The following RUSC2 variants were observed in gnomAD, a reference collection of about 807,000 sequenced individuals.
RUSC2 encodes the protein RUN and SH3 domain containing 2, also known as AP-4 complex accessory subunit RUSC2.
In RUSC2, 34 loss-of-function variants were observed where a neutral mutation model predicts 122.2. That is an observed-to-expected ratio of 0.28 (90% CI 0.21 to 0.37). The LOEUF is 0.37. Ranked by LOEUF, RUSC2 falls within the 10% of genes least tolerant of loss-of-function variation. RUSC2 has a pLI of 1.00. For missense variants in RUSC2, 1,747 were observed against 1,952.4 expected (o/e 0.89, Z 1.98); for synonymous variants, 784 against 790.0 (o/e 0.99, Z 0.13).
intron 1 of RUSC2, among the ~76,000 whole-genome samples, chr9:35,509,686 C>T (rs1313467168): frequency 3.3e-5 from 5 of 152,188 alleles, no homozygotes; most frequent in Non-Finnish European, 4.4e-5. Context: ...GTAAATTGAA[C>T]GGTAGTACAG....
In RUSC2 at chr9:35,548,909, G is replaced by A; in HGVS notation, c.2014+374G>A. 2 of 493,880 alleles carry A rather than the reference G, an allele frequency of 4.0e-6. No homozygotes were observed. Among genetic ancestry groups the A allele is most frequent in the Non-Finnish European group, 5.2e-6 (2 of 380,958 alleles). 30.6% of individuals were successfully genotyped at this position (493,880 alleles called of 1,614,324 possible). ...TAGCCAGGAGTGGTAGCACCCACCTGTAATCCCAGCTACTCAGGGGGCTGA... is the reference window on the plus strand; with the variant it reads ...TAGCCAGGAGTGGTAGCACCCACCTATAATCCCAGCTACTCAGGGGGCTGA... On this transcript the variant is annotated intron_variant, in intron 2 of 11. Transcript: ENST00000361226. The surrounding 1 kb of genome is among the most constrained non-coding windows in gnomAD (Gnocchi z 4.5).
chr9:35,534,271 T>C (rs1438000267), intron 1 of RUSC2, among the ~76,000 whole-genome samples: 2 of 152,080 alleles, frequency 1.3e-5, no homozygotes, highest in African/African-American at 4.8e-5. Flanking sequence ...TTTGGGGAAA[T>C]GTTTATTCAA....
chr9:35,523,438 T>C (rs1012545228), intron 1 of RUSC2, among the ~76,000 whole-genome samples: 1 of 152,238 alleles, frequency 6.6e-6, no homozygotes, highest in African/African-American at 2.4e-5. Flanking sequence ...TTTGCAACTT[T>C]TTATAACTGT....
rs147747906 is a variant in RUSC2, at chr9:35,548,534, C to T, written c.2013C>T (p.Asp671=). 199 of 1,607,170 alleles carry T rather than the reference C, an allele frequency of 1.2e-4. No homozygotes were observed. The highest frequency in any genetic ancestry group is 3.2e-4 in the Admixed American group (19 of 59,284). The part of the protein sequence containing the change: ...HTQRDARARA[D]GGGTESRPVL... ...AGAGGGATGCAAGAGCTAGAGCTGA[C>T]GGTAAGGAGCCTAAGGGTTAGCAAA... is the stretch of plus-strand genomic sequence containing the variant. The change falls in exon 2 of 12, where the codon GAC becomes GAT. Residue 671 remains aspartate (D), a splice_region_variant and synonymous_variant. Transcript: ENST00000361226. This position sits in a 1 kb window ranked among gnomAD's most constrained non-coding sequence, Gnocchi z 4.5.
At position 35,560,703 on chromosome 9, in the gene RUSC2, G is replaced by C; in HGVS notation, c.4063G>C (p.Glu1355Gln). 6.4e-7 allele frequency: 1 copy of C among 1,556,338 alleles called. No individual in the cohort carries two copies. Among genetic ancestry groups the C allele is most frequent in the Middle Eastern group, 1.7e-4 (1 of 5,786 alleles). ...GAGCCCCCCTGACTCTGTGCTGGCC[G>C]AGCTGAGGCGCAGTCGGGAGAGGGA... ...MGSPPDSVLA[E>Q]LRRSREREGP... is the part of the protein sequence containing the mutation. Residue 1355 changes from glutamate to glutamine, a missense_variant, in exon 10 of 12, where the codon GAG becomes CAG. Transcript: ENST00000361226.
intron 1 of RUSC2, among the ~76,000 whole-genome samples, chr9:35,495,616 T>C (rs1820695186): frequency 6.6e-6 from 1 of 152,070 alleles, no homozygotes; most frequent in African/African-American, 2.4e-5. Flanking sequence ...TCCTCCAACT[T>C]TGGTTTTCTT....
chr9:35,498,865 GA>G (rs1820770074), intron 1 of RUSC2, among the ~76,000 whole-genome samples: 1 of 147,058 alleles, frequency 6.8e-6, no homozygotes, highest in Non-Finnish European at 1.5e-5. Flanking sequence ...AACAAAAAAA[GA>G]AAAAAGAAAT....
chr9:35,528,510 CT>C lies in RUSC2; in HGVS notation c.-92-17906del, dbSNP rs912951066. Among the ~76,000 whole-genome samples the C allele has an allele frequency of 1.8e-3, 266 of 145,276 alleles. 2 individuals are homozygous for C. The highest frequency in any genetic ancestry group is 0.012 in the East Asian group (61 of 5,036). On this transcript the variant is annotated intron_variant, in intron 1 of 11. Coordinates refer to ENST00000361226, the MANE Select transcript of RUSC2 (RefSeq NM_014806.5). ...GAATTCTCTTTATGCGATTTGATAC[CT>C]TTTTTTTTTTTTTGAGATGGAGTTT... is the stretch of plus-strand genomic sequence containing the variant.
Position 35,560,420 on chromosome 9 carries a change from CAGGTGGGCCCG to C in RUSC2, c.3789_3799del (p.Arg1264GlyfsTer20), listed in dbSNP as rs1004822809. On this transcript the variant is annotated frameshift_variant, in exon 10 of 12. Transcript: ENST00000361226. LOFTEE classifies it high-confidence loss of function. ...AGGCAGCCGGGGGCTCAGGGCGTGC[CAGGTGGGCCCG>C]AGGTGGGCAGGCCGGCTGGTGGTAC... is the stretch of plus-strand genomic sequence containing the variant. 1 of 1,614,052 alleles carries C rather than the reference CAGGTGGGCCCG, an allele frequency of 6.2e-7. No homozygotes were observed.
intron 1 of RUSC2, among the ~76,000 whole-genome samples, chr9:35,544,923 A>G (rs1436492570): frequency 1.3e-5 from 2 of 152,180 alleles, no homozygotes; most frequent in Non-Finnish European, 2.9e-5. Flanking sequence ...GCCCTTCTAC[A>G]TCTCTACCCA....
At chr9:35,533,778 T>G (rs1026242927) in intron 1 of RUSC2, among the ~76,000 whole-genome samples, 2 of 152,274 alleles carry the variant, frequency 1.3e-5, no homozygotes, top group African/African-American at 4.8e-5. Flanking sequence ...TCATCCATGT[T>G]GGAGCATTTA....
chr9:35,495,240 G>GAT (rs1202140229), intron 1 of RUSC2, among the ~76,000 whole-genome samples: 1 of 61,256 alleles, frequency 1.6e-5, no homozygotes, highest in African/African-American at 5.3e-5. Flanking sequence ...TATTATATAT[G>GAT]ATATATATAA....
rs946687072 is a variant in RUSC2, at chr9:35,548,083, C to A, written c.1562C>A (p.Pro521Gln). Reference sequence around the variant, plus strand: ...TCGCTGGAACGTATGTTGAGTTGCCCAGTGCGCTTGAGTGAGGGCCCTGCA... The same window carrying A: ...TCGCTGGAACGTATGTTGAGTTGCCAAGTGCGCTTGAGTGAGGGCCCTGCA... ...LGSLERMLSC[P>Q]VRLSEGPAAM... The change falls in exon 2 of 12, where the codon CCA becomes CAA. Residue 521 changes from proline to glutamine, a missense_variant. Physicochemically the swap from Pro to Gln is moderately conservative, Grantham distance 76. Coordinates refer to ENST00000361226, the MANE Select transcript of RUSC2 (RefSeq NM_014806.5). This position sits in a 1 kb window ranked among gnomAD's most constrained non-coding sequence, Gnocchi z 4.5. The A allele has an allele frequency of 6.2e-7, 1 of 1,613,186 alleles. No individual in the cohort carries two copies. The highest frequency in any genetic ancestry group is 8.5e-7 in the Non-Finnish European group (1 of 1,180,042).
rs776792847 is a variant in RUSC2 at position 35,556,059 on chromosome 9, C to T, written c.2764C>T (p.Arg922Trp). The change falls in exon 4 of 12, where the codon CGG becomes TGG. Residue 922 changes from arginine (R) to tryptophan (W), a missense_variant. Arg to Trp is a moderately radical substitution (Grantham distance 101, BLOSUM62 -3). Transcript: ENST00000361226. ...GSLDRRSQEA[R>W]LARRNPIFEF... ...CCTAGACCGAAGATCACAAGAAGCT[C>T]GGCTGGCCCGAAGAAACCCTATCTT... 3.8e-5 allele frequency: 62 copies of T among 1,614,074 alleles called. No individual in the cohort carries two copies. The South Asian group carries it at 5.2e-4, about 13-fold the overall frequency.
In RUSC2 at chr9:35,559,951, C is replaced by A. The variant is rs1247612379; in HGVS notation, c.3389-78C>A. The A allele has an allele frequency of 8.0e-6, 10 of 1,256,992 alleles. No homozygotes were observed. In the Admixed American group the frequency reaches 1.7e-4, roughly 22 times the overall value. 77.9% of individuals were successfully genotyped at this position (1,256,992 alleles called of 1,614,324 possible). A position where few individuals can be genotyped will look rare whatever the true frequency, so the allele number is the denominator to read the frequency against. ...GCACCGCTGTCTGCAGCAGCTCTGC[C>A]CAGACTGTCTTTCAAAGTCCCACTT... On this transcript the variant is annotated intron_variant, in intron 9 of 11. Coordinates refer to ENST00000361226, the MANE Select transcript of RUSC2 (RefSeq NM_014806.5).
intron 1 of RUSC2, among the ~76,000 whole-genome samples, chr9:35,536,367 T>C (rs527625876): frequency 7.8e-4 from 119 of 152,326 alleles, no homozygotes; most frequent in African/African-American, 2.8e-3. Context: ...ATGGAGGAGT[T>C]GCTCTGGGTC....
intron 2 of RUSC2, among the ~76,000 whole-genome samples, chr9:35,551,876 A>G (rs967537106): frequency 6.6e-6 from 1 of 151,960 alleles, no homozygotes; most frequent in Non-Finnish European, 1.5e-5. Flanking sequence ...CCTGGGCAAT[A>G]TAGTGAGACC....
At chr9:35,518,174 G>A (rs1173817779) in intron 1 of RUSC2, among the ~76,000 whole-genome samples, 1 of 152,162 alleles carries the variant, frequency 6.6e-6, no homozygotes, top group East Asian at 1.9e-4. Context: ...GAATGACAGG[G>A]AAAAAATGTA....
At chr9:35,516,022 A>AAAAAAAAAG (rs1554724501) in intron 1 of RUSC2, among the ~76,000 whole-genome samples, 11 of 127,166 alleles carry the variant, frequency 8.7e-5, no homozygotes, top group African/African-American at 1.1e-4. Flanking sequence ...AAAAAAAAAA[A>AAAAAAAAAG]AGAGAAATGC....
Sources: allele counts gnomAD v4.1 joint callset (sites outside exome capture counted in the v4.1 genomes callset), GRCh38; gene constraint gnomAD v4.1.1; non-coding constraint Gnocchi (gnomAD v3.1); transcripts MANE v1.5; gene names NCBI Gene and HGNC (gene_info 2026-07-23, HGNC 2026-07-21).